SH2D4B: variants seen among roughly 807,000 people sequenced by gnomAD.
The protein encoded by SH2D4B is SH2 domain containing 4B, also known as SH2 domain-containing protein 4B.
Under a neutral mutation model 61.5 loss-of-function variants are expected in SH2D4B, and 45 were observed. The observed-to-expected ratio is 0.73, with a 90% CI of 0.58 to 0.94. The LOEUF (loss-of-function observed/expected upper bound fraction) is 0.94. SH2D4B is among the 40% of genes least tolerant of loss of function. The pLI is 0.00. For missense variants in SH2D4B, 572 were observed against 574.2 expected (o/e 1.00, Z 0.04); for synonymous variants, 224 against 220.4 (o/e 1.02, Z -0.14).
chr10:80,611,458 A>T (rs561097595), intron 6 of SH2D4B, among the ~76,000 whole-genome samples: 1 of 152,332 alleles, frequency 6.6e-6, no homozygotes, highest in African/African-American at 2.4e-5. Context: ...TTTAGGGCTC[A>T]GAGAGAAGAC....
chr10:80,543,903 G>A (rs910825306), intron 1 of SH2D4B, among the ~76,000 whole-genome samples: 303 of 149,458 alleles, frequency 2.0e-3, no homozygotes, highest in Middle Eastern at 0.01. Context: ...TGGTGGGGAT[G>A]TGGAGAACCT....
intron 3 of SH2D4B, among the ~76,000 whole-genome samples, chr10:80,577,630 G>A (rs1233362858): frequency 6.6e-6 from 1 of 151,884 alleles, no homozygotes; most frequent in Non-Finnish European, 1.5e-5. Context: ...GTTTCACCAT[G>A]TTAGCCAGGA....
chr10:80,614,224 G>T (rs1307077064), intron 6 of SH2D4B, among the ~76,000 whole-genome samples: 1 of 152,228 alleles, frequency 6.6e-6, no homozygotes, highest in Non-Finnish European at 1.5e-5. Flanking sequence ...TCTGCAGGCT[G>T]CACAGGAAGT....
chr10:80,540,908 G>A (rs915252617), intron 1 of SH2D4B: 16 of 1,551,354 alleles, frequency 1.0e-5, no homozygotes, highest in Non-Finnish European at 1.4e-5. Context: ...TGTTGCCAGA[G>A]GACTCAGGAG....
At chr10:80,634,247 CCTGCTGT>C in intron 6 of SH2D4B, 31 bp from the exon 7 acceptor site, 4 of 1,480,796 alleles carry the variant, frequency 2.7e-6, no homozygotes, top group Admixed American at 2.4e-5. Context: ...AGTCGCAGAA[CCTGCTGT>C]GTTTTTTTGT....
At chr10:80,625,223 A>G (rs1399636182) in intron 6 of SH2D4B, among the ~76,000 whole-genome samples, 1 of 151,678 alleles carries the variant, frequency 6.6e-6, no homozygotes, top group East Asian at 1.9e-4. Flanking sequence ...TGGAGATTTT[A>G]CCACTCTCAA....
intron 6 of SH2D4B, among the ~76,000 whole-genome samples, chr10:80,631,486 C>T (rs1177210865): frequency 6.6e-6 from 1 of 152,102 alleles, no homozygotes; most frequent in Non-Finnish European, 1.5e-5. Context: ...TGGGCTCAAG[C>T]GATCCTCCCA....
chr10:80,559,632 C>T (rs1350013337), intron 1 of SH2D4B, among the ~76,000 whole-genome samples: 1 of 147,472 alleles, frequency 6.8e-6, no homozygotes, highest in Non-Finnish European at 1.5e-5. Context: ...ATTTTGTGGT[C>T]CTGCATTTTT....
At chr10:80,581,532 T>C (rs978855732) in intron 3 of SH2D4B, among the ~76,000 whole-genome samples, 1 of 152,118 alleles carries the variant, frequency 6.6e-6, no homozygotes, top group Non-Finnish European at 1.5e-5. Context: ...ACTGCTGTCC[T>C]TATAAAAAGG....
intron 6 of SH2D4B, among the ~76,000 whole-genome samples, chr10:80,614,817 A>G (rs1842641950): frequency 6.6e-6 from 1 of 152,236 alleles, no homozygotes; most frequent in Non-Finnish European, 1.5e-5. Context: ...GCCACAGGGT[A>G]GGTGCCTGGG....
intron 1 of SH2D4B, among the ~76,000 whole-genome samples, chr10:80,552,364 G>A (rs1333281135): frequency 6.6e-6 from 1 of 152,144 alleles, no homozygotes; most frequent in Non-Finnish European, 1.5e-5. Flanking sequence ...ATGGAGGGAG[G>A]TGCCTCTCCT....
intron 5 of SH2D4B, among the ~76,000 whole-genome samples, chr10:80,605,964 G>T (rs1842514467): frequency 6.6e-6 from 1 of 152,226 alleles, no homozygotes; most frequent in Non-Finnish European, 1.5e-5. Context: ...GGCTGGCTTT[G>T]TGCAGCCAAT....
intron 1 of SH2D4B, among the ~76,000 whole-genome samples, chr10:80,540,464 C>A (rs184082773): frequency 1.3e-5 from 2 of 152,174 alleles, no homozygotes; most frequent in East Asian, 1.9e-4. Flanking sequence ...TTGCTGCTCC[C>A]GTGTCCCTGC....
intron 4 of SH2D4B, among the ~76,000 whole-genome samples, chr10:80,599,612 G>A (rs1221903041): frequency 6.6e-6 from 1 of 152,196 alleles, no homozygotes; most frequent in Non-Finnish European, 1.5e-5. Flanking sequence ...ACTGTTGGCA[G>A]CCATCAGGCG....
chr10:80,622,401 T>A lies in SH2D4B; in HGVS notation c.989-11884T>A, dbSNP rs187691197. ...TGGCTAAGTTTTACATGAAATTAGT[T>A]TTCCTGAATTTTTGCAGTTAAACGA... On this transcript the variant is annotated intron_variant, in intron 6 of 7. Transcript: ENST00000646907. Among the ~76,000 whole-genome samples, 672 of 152,332 alleles carry A rather than the reference T, an allele frequency of 4.4e-3. 1 individual carries two copies. The highest frequency in any genetic ancestry group is 6.9e-3 in the Non-Finnish European group (470 of 68,034).
chr10:80,544,687 C>T (rs1841644997), intron 1 of SH2D4B, among the ~76,000 whole-genome samples: 2 of 152,260 alleles, frequency 1.3e-5, no homozygotes, highest in African/African-American at 4.8e-5. Flanking sequence ...CAGACATTCC[C>T]ATGGTGGCCC....
At chr10:80,603,305 C>T (rs1203295875) in intron 4 of SH2D4B, among the ~76,000 whole-genome samples, 3 of 152,134 alleles carry the variant, frequency 2.0e-5, no homozygotes, top group East Asian at 1.9e-4. Context: ...AACCCTAAAC[C>T]GTCAGGGTAT....
chr10:80,600,727 T>A (rs2132137709), intron 4 of SH2D4B, among the ~76,000 whole-genome samples: 1 of 152,272 alleles, frequency 6.6e-6, no homozygotes, highest in African/African-American at 2.4e-5. Context: ...ATGGGTTTAA[T>A]CTTTGTGTGA....
intron 1 of SH2D4B, among the ~76,000 whole-genome samples, chr10:80,560,995 C>T (rs1448763183): frequency 6.6e-6 from 1 of 152,124 alleles, no homozygotes; most frequent in African/African-American, 2.4e-5. Context: ...CTTGGTGAAA[C>T]AGTAAACTTC....
Sources: allele counts gnomAD v4.1 joint callset (sites outside exome capture counted in the v4.1 genomes callset), GRCh38; gene constraint gnomAD v4.1.1; transcripts MANE v1.5; gene names NCBI Gene and HGNC (gene_info 2026-07-23, HGNC 2026-07-21).